Variants in BRD9 observed in about 807,000 individuals in gnomAD.
BRD9 encodes bromodomain containing 9.
A neutral mutation model predicts 68.7 loss-of-function variants in BRD9; 47 were observed. The observed-to-expected ratio is 0.68, with a 90% CI of 0.54 to 0.87. The LOEUF (loss-of-function observed/expected upper bound fraction) is 0.87, where lower values mean the gene tolerates loss of function less well. BRD9 is among the 40% of genes least tolerant of loss of function. The probability of loss-of-function intolerance (pLI) is 0.00; values close to 1 mark genes in which losing one functional copy is unlikely to be tolerated. For synonymous variants in BRD9, 313 were observed against 293.9 expected (o/e 1.06, Z -0.67); for missense variants, 670 against 748.4 (o/e 0.90, Z 1.22).
Position 891,789 on chromosome 5 carries a change from T to G in BRD9, c.118A>C (p.Thr40Pro). The change falls in exon 2 of 16, where the codon ACT becomes CCT. Residue 40 changes from threonine (T) to proline (P), a missense_variant. Around this residue, in one of 5 missense-constraint regions of BRD9, gnomAD observed 161 missense variants for 148.1 expected, o/e 1.09. Transcript: ENST00000467963. Reference sequence around the variant, plus strand: ...TCGTGGCCGGATCCTGAGAGTTCAGTCACTTCACTTCCTCCGACCTTCAGG... The same window carrying G: ...TCGTGGCCGGATCCTGAGAGTTCAGGCACTTCACTTCCTCCGACCTTCAGG... ...LVLKVGGSEV[T>P]ELSGSGHDSS... 1 of 1,551,678 alleles carries G rather than the reference T, an allele frequency of 6.4e-7. No homozygotes were observed. Among genetic ancestry groups the G allele is most frequent in the South Asian group, 1.2e-5 (1 of 84,066 alleles).
At position 881,114 on chromosome 5, in the gene BRD9, G is replaced by T. The variant is rs61732621; in HGVS notation, c.1035C>A (p.Asp345Glu). Reference protein sequence around the residue: ...LYSVVNTAEPDADEEETHPVD... With the variant: ...LYSVVNTAEPEADEEETHPVD... ...CCCTGAGCGGGCACCCACCATCAGC[G>T]TCCGGCTCGGCCGTGTTGACCACGC... The change falls in exon 9 of 16, where the codon GAC becomes GAA. Residue 345 changes from aspartate (D) to glutamate (E), a missense_variant. Around this residue, in one of 5 missense-constraint regions of BRD9, gnomAD observed 135 missense variants for 141.2 expected, o/e 0.96. Coordinates refer to ENST00000467963, the MANE Select transcript of BRD9 (RefSeq NM_023924.5). 137 of 1,614,010 alleles carry T rather than the reference G, an allele frequency of 8.5e-5. 1 individual carries two copies. The African/African-American group carries it at 1.1e-3, about 13-fold the overall frequency.
intron 12 of BRD9, among the ~76,000 whole-genome samples, chr5:875,672 C>T (rs1023217109): frequency 5.3e-5 from 8 of 152,038 alleles, no homozygotes; most frequent in Admixed American, 3.9e-4. Flanking sequence ...AGCAACAATG[C>T]AAGTCAAACC....
intron 8 of BRD9, chr5:882,998 C>A (rs548803406): frequency 6.4e-6 from 2 of 313,180 alleles, no homozygotes; most frequent in South Asian, 5.3e-5. Flanking sequence ...TCCCAACACA[C>A]GGGCCACACA....
At chr5:880,725 A>G (rs73733940) in intron 9 of BRD9, among the ~76,000 whole-genome samples, 5,735 of 152,340 alleles carry the variant, frequency 0.038, 344 homozygotes, top group African/African-American at 0.13. Flanking sequence ...CAGCTCTTCT[A>G]AGACTGCTTT....
chr5:864,604 G>C, intron 15 of BRD9, 36 bp from the exon 16 acceptor site: 3 of 1,581,516 alleles, frequency 1.9e-6, no homozygotes, highest in Non-Finnish European at 1.7e-6. Context: ...CAACACACAG[G>C]ACAGACCCGC....
rs1560884617 is a variant in BRD9, at chr5:863,743, CAGT to C, written c.*722_*724del. 2.0e-5 allele frequency: 3 copies of C among 152,222 alleles called. No individual in the cohort carries two copies. Among genetic ancestry groups the C allele is most frequent in the African/African-American group, 7.2e-5 (3 of 41,436 alleles). 9.4% of individuals were successfully genotyped at this position (152,222 alleles called of 1,614,324 possible). A position where few individuals can be genotyped will look rare whatever the true frequency, so the allele number is the denominator to read the frequency against. On this transcript the variant is annotated 3_prime_UTR_variant, in exon 16 of 16. Transcript: ENST00000467963. ...CATAAATGGGCACTCAGTAAACACCCAGTTAGAAAACGTTTTATGGACACGGAA... is the reference window on the plus strand; with the variant it reads ...CATAAATGGGCACTCAGTAAACACCCTAGAAAACGTTTTATGGACACGGAA...
chr5:891,043 C>CAGGTGT, intron 3 of BRD9, 112 bp downstream of exon 3: 1 of 1,335,958 alleles, frequency 7.5e-7, no homozygotes, highest in South Asian at 1.6e-5. Context: ...CTGGAAATAC[C>CAGGTGT]AGCTCTCCTC....
intron 3 of BRD9, chr5:890,071 C>T (rs1414275177): frequency 3.0e-6 from 1 of 332,312 alleles, no homozygotes; most frequent in African/African-American, 2.2e-5. Context: ...TGGTGCGTGC[C>T]TGTAGTCCCA....
At chr5:877,232 G>A (rs1429207696) in intron 11 of BRD9, among the ~76,000 whole-genome samples, 2 of 152,230 alleles carry the variant, frequency 1.3e-5, no homozygotes, top group African/African-American at 2.4e-5. Context: ...GGCACCAGGG[G>A]AGCCACGGCC....
chr5:882,134 C>A (rs941733113), intron 8 of BRD9: 1 of 153,258 alleles, frequency 6.5e-6, no homozygotes, highest in Non-Finnish European at 1.5e-5. Flanking sequence ...CTACACAAGG[C>A]TCTCTAGTCA....
intron 11 of BRD9, 67 bp from the exon 12 acceptor site, chr5:876,279 G>T: frequency 2.4e-6 from 3 of 1,243,178 alleles, no homozygotes; most frequent in Non-Finnish European, 3.5e-6. Context: ...CGGCAGCCCT[G>T]ATCACAGAAG....
intron 5 of BRD9, 114 bp downstream of exon 5, chr5:888,907 G>T: frequency 8.9e-7 from 1 of 1,126,046 alleles, no homozygotes; most frequent in Non-Finnish European, 1.2e-6. Context: ...TCCGAACACA[G>T]AAACACCTGT....
intron 12 of BRD9, among the ~76,000 whole-genome samples, chr5:872,698 C>T (rs1458327209): frequency 6.6e-6 from 1 of 152,168 alleles, no homozygotes; most frequent in African/African-American, 2.4e-5. Context: ...GCCTGCGAGC[C>T]CTCCAAGCAT....
intron 2 of BRD9, 82 bp downstream of exon 2, chr5:891,558 C>A: frequency 2.0e-6 from 3 of 1,504,094 alleles, no homozygotes; most frequent in African/African-American, 1.4e-5. Context: ...GCCACGCAGG[C>A]GCACTCTGCC....
intron 3 of BRD9, 91 bp from the exon 4 acceptor site, chr5:889,738 T>C: frequency 1.9e-6 from 3 of 1,579,050 alleles, no homozygotes; most frequent in Non-Finnish European, 2.6e-6. Context: ...CTGTCTGGTG[T>C]CTCACAGCAT....
intron 3 of BRD9, chr5:890,117 G>A (rs953972558): frequency 3.3e-5 from 10 of 304,220 alleles, no homozygotes; most frequent in Non-Finnish European, 6.5e-5. Context: ...GATCGCTTGA[G>A]CCCAGGGTTA....
chr5:883,248 GA>G (rs1385973121), intron 8 of BRD9: 4 of 444,428 alleles, frequency 9.0e-6, no homozygotes, highest in Admixed American at 4.9e-5. Flanking sequence ...GACTTAATAT[GA>G]AAAAAACCCA....
intron 4 of BRD9, 72 bp downstream of exon 4, chr5:889,515 G>A: frequency 6.6e-7 from 1 of 1,521,402 alleles, no homozygotes; most frequent in East Asian, 2.3e-5. Flanking sequence ...GGCTGGCGTG[G>A]GGAATAAGGC....
intron 12 of BRD9, 71 bp from the exon 13 acceptor site, chr5:871,635 T>C (rs921091430): frequency 1.9e-5 from 26 of 1,402,670 alleles, no homozygotes; most frequent in Admixed American, 1.8e-4. Flanking sequence ...TTCGCTGACA[T>C]TACACACACG....
Sources: allele counts gnomAD v4.1 joint callset (sites outside exome capture counted in the v4.1 genomes callset), GRCh38; gene constraint gnomAD v4.1.1; regional missense constraint gnomAD v4.1.1; transcripts MANE v1.5; gene names NCBI Gene and HGNC (gene_info 2026-07-23, HGNC 2026-07-21).